The following SLC2A13 variants were observed in gnomAD, a reference collection of about 807,000 sequenced individuals.
SLC2A13 encodes solute carrier family 2 member 13, also known as proton myo-inositol cotransporter.
SLC2A13 carries 32 observed loss-of-function variants against 64.4 expected under a neutral mutation model. The observed-to-expected ratio is 0.50, with a 90% CI of 0.37 to 0.67. The LOEUF (loss-of-function observed/expected upper bound fraction) is 0.67. SLC2A13 is among the 30% of genes least tolerant of loss of function. The probability of loss-of-function intolerance (pLI) is 0.00; values close to 1 mark genes in which losing one functional copy is unlikely to be tolerated. For synonymous variants in SLC2A13, 338 were observed against 327.1 expected, an observed-to-expected ratio of 1.03 and a Z score of -0.36; for missense variants, 743 against 829.2, an observed-to-expected ratio of 0.90 and a Z score of 1.28.
chr12:39,978,602 G>A (rs1946813935), intron 3 of SLC2A13, among the ~76,000 whole-genome samples: 1 of 152,190 alleles, frequency 6.6e-6, no homozygotes, highest in African/African-American at 2.4e-5. Flanking sequence ...CCCGAATATG[G>A]CGCTTTTCAG....
chr12:39,785,512 C>T (rs750826857), intron 7 of SLC2A13, among the ~76,000 whole-genome samples: 31 of 152,228 alleles, frequency 2.0e-4, no homozygotes, highest in Admixed American at 7.2e-4. Context: ...TCTGCTAGGG[C>T]ACTGCTGAAG....
At chr12:39,961,231 C>T (rs1359363982) in intron 3 of SLC2A13, among the ~76,000 whole-genome samples, 1 of 151,948 alleles carries the variant, frequency 6.6e-6, no homozygotes, top group Non-Finnish European at 1.5e-5. Flanking sequence ...GTGCACGCCA[C>T]CACGCCCAGC....
chr12:40,004,086 T>C (rs2136186407), intron 3 of SLC2A13, among the ~76,000 whole-genome samples: 1 of 152,348 alleles, frequency 6.6e-6, no homozygotes, highest in African/African-American at 2.4e-5. Context: ...AACAACTATT[T>C]GCATAACATT....
rs760629349 is a variant in SLC2A13, at chr12:39,760,212, G to A, written c.1761C>T (p.Leu587=). The change falls in exon 10 of 10, where the codon CTC becomes CTT. Residue 587 remains leucine, a synonymous_variant. Transcript: ENST00000280871. ...CAGGAAGACAGCCATAGATGAAAAG[G>A]AGTCCCACAGCAGCAAATCCAGCAT... The part of the protein sequence containing the change: ...FLYAGFAAVG[L]LFIYGCLPET... The A allele has an allele frequency of 2.5e-6, 4 of 1,612,510 alleles. No homozygotes were observed. The Admixed American group carries it at 5.0e-5, about 20-fold the overall frequency.
At position 39,799,065 on chromosome 12, in the gene SLC2A13, G is replaced by GT. The variant is rs1037562150; in HGVS notation, c.1445+31037dup. 7.9e-3 allele frequency among the ~76,000 whole-genome samples: 1,015 copies of GT among 129,004 alleles called. 5 individuals are homozygous for GT. Among genetic ancestry groups the GT allele is most frequent in the African/African-American group, 0.014 (481 of 35,040 alleles). 84.6% of individuals were successfully genotyped at this position (129,004 alleles called of 152,430 possible). ...AGCCACCTGAAGAATTACTGTTCTG[G>GT]TTTTTTTTTTTTTTCCTTTTTTTTT... On this transcript the variant is annotated intron_variant, in intron 7 of 9. Coordinates refer to ENST00000280871, the MANE Select transcript of SLC2A13 (RefSeq NM_052885.4).
intron 3 of SLC2A13, among the ~76,000 whole-genome samples, chr12:39,974,498 T>C (rs1227101150): frequency 6.6e-6 from 1 of 152,216 alleles, no homozygotes; most frequent in East Asian, 1.9e-4. Flanking sequence ...CAACAGCTGC[T>C]AGCTCCCCTT....
chr12:40,099,992 C>T (rs1320092199), intron 1 of SLC2A13, among the ~76,000 whole-genome samples: 1 of 152,040 alleles, frequency 6.6e-6, no homozygotes, highest in Non-Finnish European at 1.5e-5. Flanking sequence ...CTATGCTTAC[C>T]TTAAATGACA....
intron 1 of SLC2A13, among the ~76,000 whole-genome samples, chr12:40,103,706 T>A (rs76157149): frequency 2.0e-5 from 3 of 152,162 alleles, no homozygotes; most frequent in African/African-American, 7.2e-5. Flanking sequence ...TAAAATGATG[T>A]TATTTCTATG....
intron 4 of SLC2A13, among the ~76,000 whole-genome samples, chr12:39,925,605 A>C (rs1945712892): frequency 6.6e-6 from 1 of 152,206 alleles, no homozygotes; most frequent in African/African-American, 2.4e-5. Flanking sequence ...GAAATACTTA[A>C]AAGCTAGGAA....
At chr12:39,997,895 A>T (rs1947259084) in intron 3 of SLC2A13, among the ~76,000 whole-genome samples, 1 of 152,224 alleles carries the variant, frequency 6.6e-6, no homozygotes, top group African/African-American at 2.4e-5. Flanking sequence ...GATGCAGTGA[A>T]CAGGGAACAC....
chr12:39,894,385 C>T lies in SLC2A13; in HGVS notation c.1035-22424G>A, dbSNP rs117184184. On this transcript the variant is annotated intron_variant, in intron 4 of 9. Coordinates refer to ENST00000280871, the MANE Select transcript of SLC2A13 (RefSeq NM_052885.4). ...AGTAGAATATCACAACAATATTTTTCTTAAACTTATTATTTCACCCATAAT... is the reference window on the plus strand; with the variant it reads ...AGTAGAATATCACAACAATATTTTTTTTAAACTTATTATTTCACCCATAAT... 1.2e-3 allele frequency among the ~76,000 whole-genome samples: 190 copies of T among 152,280 alleles called. 4 individuals are homozygous for T. The East Asian group carries it at 0.025, about 20-fold the overall frequency.
At chr12:39,875,535 G>A (rs1437061028) in intron 4 of SLC2A13, among the ~76,000 whole-genome samples, 6 of 152,154 alleles carry the variant, frequency 3.9e-5, no homozygotes, top group African/African-American at 1.4e-4. Context: ...GTATGTCCTT[G>A]GGGGGACCAT....
At chr12:39,890,665 T>C (rs973307568) in intron 4 of SLC2A13, among the ~76,000 whole-genome samples, 1 of 152,190 alleles carries the variant, frequency 6.6e-6, no homozygotes, top group African/African-American at 2.4e-5. Flanking sequence ...TGTATATATG[T>C]ATTGAAACAT....
At chr12:40,088,231 A>C (rs1471988348) in intron 1 of SLC2A13, among the ~76,000 whole-genome samples, 1 of 152,236 alleles carries the variant, frequency 6.6e-6, no homozygotes, top group Non-Finnish European at 1.5e-5. Flanking sequence ...ACTCAAAAGA[A>C]GAAAAAATTG....
intron 1 of SLC2A13, among the ~76,000 whole-genome samples, chr12:40,088,485 G>T (rs1592074197): frequency 1.3e-5 from 2 of 152,058 alleles, no homozygotes; most frequent in Non-Finnish European, 2.9e-5. Flanking sequence ...GCTACCTTTT[G>T]AGGAAAGTAA....
chr12:40,042,761 G>C (rs1393579774), intron 2 of SLC2A13, among the ~76,000 whole-genome samples: 1 of 152,086 alleles, frequency 6.6e-6, no homozygotes, highest in Non-Finnish European at 1.5e-5. Flanking sequence ...AAATGAATGA[G>C]AGGAGATAGA....
intron 3 of SLC2A13, among the ~76,000 whole-genome samples, chr12:40,027,034 C>T (rs561216881): frequency 1.4e-3 from 207 of 150,926 alleles, no homozygotes; most frequent in African/African-American, 4.9e-3. Flanking sequence ...GAGCCAAGAT[C>T]GCGCCATTGC....
In SLC2A13 at chr12:39,759,725, G is replaced by C. The variant is rs1339653961; in HGVS notation, c.*301C>G. On this transcript the variant is annotated 3_prime_UTR_variant, in exon 10 of 10. Coordinates refer to ENST00000280871, the MANE Select transcript of SLC2A13 (RefSeq NM_052885.4). ...ATTATAAATGGTCTTAGGAAAAAAG[G>C]ATACCACTGAAGTCACTGGGTACAA... The C allele has an allele frequency of 3.6e-6, 1 of 274,296 alleles. No homozygotes were observed. Among genetic ancestry groups the C allele is most frequent in the East Asian group, 8.5e-5 (1 of 11,804 alleles). The allele number at this position is 274,296 out of a possible 1,614,324, so 17.0% of individuals were successfully genotyped here. A position where few individuals can be genotyped will look rare whatever the true frequency, so the allele number is the denominator to read the frequency against.
chr12:40,080,161 T>G (rs1938340025), intron 1 of SLC2A13, among the ~76,000 whole-genome samples: 2 of 150,602 alleles, frequency 1.3e-5, no homozygotes, highest in Admixed American at 1.3e-4. Flanking sequence ...CGCACCTGGG[T>G]TCTTTGTCCT....
Sources: gnomAD v4.1 joint callset for allele counts (sites outside exome capture counted in the v4.1 genomes callset) on GRCh38, gnomAD v4.1.1 for gene constraint, MANE v1.5 for transcripts, NCBI Gene and HGNC (gene_info 2026-07-23, HGNC 2026-07-21) for gene names.